Variants in KDM6B observed in about 807,000 individuals in gnomAD.
KDM6B encodes lysine-specific demethylase 6B.
In KDM6B, 22 loss-of-function variants were observed where a neutral mutation model predicts 150.4. The ratio of observed to expected loss-of-function variants is 0.15; its 90% CI spans 0.10 to 0.21. KDM6B has a LOEUF of 0.21. KDM6B is among the 10% of genes least tolerant of loss of function. The probability of loss-of-function intolerance (pLI) is 1.00; values close to 1 mark genes in which losing one functional copy is unlikely to be tolerated. For missense variants in KDM6B, 1,984 were observed against 2,234.3 expected, an observed-to-expected ratio of 0.89 and a Z score of 2.26; for synonymous variants, 1,148 against 921.1, an observed-to-expected ratio of 1.25 and a Z score of -4.46.
At chr17:7,838,616 CT>C (rs1274375775) in intron 1 of KDM6B, among the ~76,000 whole-genome samples, 2 of 137,506 alleles carry the variant, frequency 1.5e-5, no homozygotes, top group African/African-American at 5.6e-5. Context: ...CTCTGACCCC[CT>C]AGGCTTCCCC....
intron 2 of KDM6B, among the ~76,000 whole-genome samples, chr17:7,842,855 G>A (rs2078445639): frequency 6.6e-6 from 1 of 151,816 alleles, no homozygotes; most frequent in African/African-American, 2.4e-5. Context: ...CCCGAGGGAG[G>A]GCTTTGTACG....
Position 7,845,423 on chromosome 17 carries a change from A to C in KDM6B, c.-39A>C. ...AGAGCTGGGGCAGGGGGCCGTGCCC[A>C]ATCTCCAGGGCTCCTGGGGCCACTG... On this transcript the variant is annotated 5_prime_UTR_variant, in exon 4 of 24. Transcript: ENST00000448097. 8.6e-7 allele frequency: 1 copy of C among 1,168,252 alleles called. No homozygotes were observed. The highest frequency in any genetic ancestry group is 1.3e-6 in the Non-Finnish European group (1 of 777,414). 72.4% of individuals were successfully genotyped at this position (1,168,252 alleles called of 1,614,324 possible). A position where few individuals can be genotyped will look rare whatever the true frequency, so the allele number is the denominator to read the frequency against.
rs1437620514 is a variant in KDM6B, at chr17:7,854,503, AAC to A, written c.*986_*987del. On this transcript the variant is annotated 3_prime_UTR_variant, in exon 24 of 24. Transcript: ENST00000448097. ...TTCCCAGCCCCGGCCAACTTTAAAAAACACAGACCTTCACCCCCACCCCCTTT... is the reference window on the plus strand; with the variant it reads ...TTCCCAGCCCCGGCCAACTTTAAAAAACAGACCTTCACCCCCACCCCCTTT... 6.6e-6 allele frequency: 1 copy of A among 152,368 alleles called. No homozygotes were observed. Among genetic ancestry groups the A allele is most frequent in the African/African-American group, 2.4e-5 (1 of 41,462 alleles). 9.4% of individuals were successfully genotyped at this position (152,368 alleles called of 1,614,324 possible).
In KDM6B at chr17:7,836,219, T is replaced by C. The variant is rs1449487667; in HGVS notation, c.-388+1869T>C. On this transcript the variant is annotated intron_variant, in intron 1 of 23. Coordinates refer to ENST00000448097, the MANE Select transcript of KDM6B (RefSeq NM_001348716.2). ...CCATCACGCCCCTTCTTCGCGTGAA[T>C]TCCTGCTCTTTGATGTGCACCAAAA... is the stretch of plus-strand genomic sequence containing the variant. 2.0e-5 allele frequency among the ~76,000 whole-genome samples: 3 copies of C among 152,216 alleles called. No homozygotes were observed. In the South Asian group the frequency reaches 6.2e-4, roughly 32 times the overall value.
intron 14 of KDM6B, 62 bp from the exon 15 acceptor site, chr17:7,850,959 T>G: frequency 7.0e-7 from 1 of 1,427,154 alleles, no homozygotes; most frequent in Non-Finnish European, 9.7e-7. Context: ...AAAGGGTCGA[T>G]TGGGTCCTCG....
At chr17:7,842,188 T>C (rs1189881512) in intron 2 of KDM6B, among the ~76,000 whole-genome samples, 2 of 151,996 alleles carry the variant, frequency 1.3e-5, no homozygotes, top group East Asian at 2.0e-4. Flanking sequence ...GTGGGTGTGA[T>C]TGATGGAGTG....
Position 7,845,858 on chromosome 17 carries a change from CCTT to C in KDM6B, c.138-11_138-9del, listed in dbSNP as rs757869213. The C allele has an allele frequency of 4.3e-6, 7 of 1,610,968 alleles. No individual in the cohort carries two copies. Among genetic ancestry groups the C allele is most frequent in the Admixed American group, 1.7e-5 (1 of 60,006 alleles). On this transcript the variant is annotated splice_polypyrimidine_tract_variant and intron_variant, in intron 5 of 23. Coordinates refer to ENST00000448097, the MANE Select transcript of KDM6B (RefSeq NM_001348716.2). ...TCCTTTTTGCCGTATATAACAGACTCCTTCTCTCTCCAGATGCTCAGCCAGCAT... is the reference window on the plus strand; with the variant it reads ...TCCTTTTTGCCGTATATAACAGACTCCTCTCTCCAGATGCTCAGCCAGCAT...
chr17:7,848,979 A>ACCCCCCCCCCC lies in KDM6B; in HGVS notation c.2693_2694insCCCCCCCCCCC (p.Leu902ArgfsTer17). ...TCCCGGGCCCCATGACCCCCACCCAACCGCCCCCACCCCTATCTCTGCCCC... is the reference window on the plus strand; with the variant it reads ...TCCCGGGCCCCATGACCCCCACCCAACCCCCCCCCCCCCGCCCCCACCCCTATCTCTGCCCC... On this transcript the variant is annotated frameshift_variant, in exon 12 of 24. Transcript: ENST00000448097. LOFTEE classifies it high-confidence loss of function. The ACCCCCCCCCCC allele has an allele frequency of 1.3e-6, 2 of 1,518,730 alleles. No homozygotes were observed. The highest frequency in any genetic ancestry group is 1.2e-5 in the South Asian group (1 of 85,830). The allele number at this position is 1,518,730 out of a possible 1,614,324, so 94.1% of individuals were successfully genotyped here.
rs949837422 is a variant in KDM6B at position 7,843,909 on chromosome 17, G to C, written c.-268-992G>C. Among the ~76,000 whole-genome samples the C allele has an allele frequency of 6.6e-6, 1 of 151,974 alleles. No homozygotes were observed. The highest frequency in any genetic ancestry group is 2.4e-5 in the African/African-American group (1 of 41,344). ...GAGAGGGGAGCGCTGTGCCAGTCGG[G>C]GGTCCAGTCGGCACCAAAGCGAAAG... is the stretch of plus-strand genomic sequence containing the variant. On this transcript the variant is annotated intron_variant, in intron 2 of 23. Transcript: ENST00000448097. The surrounding 1 kb of genome is among the most constrained non-coding windows in gnomAD (Gnocchi z 4.5).
chr17:7,840,596 G>A (rs2078399209), intron 2 of KDM6B: 1 of 152,244 alleles, frequency 6.6e-6, no homozygotes, highest in Admixed American at 6.5e-5. Flanking sequence ...CCTTCTGTCA[G>A]TTCTCTGCCT....
rs2078760779 is a variant in KDM6B at position 7,854,057 on chromosome 17, TTTC to T, written c.*539_*541del. The T allele has an allele frequency of 6.6e-6, 1 of 152,522 alleles. No homozygotes were observed. The highest frequency in any genetic ancestry group is 2.4e-5 in the African/African-American group (1 of 41,430). 9.4% of individuals were successfully genotyped at this position (152,522 alleles called of 1,614,324 possible). On this transcript the variant is annotated 3_prime_UTR_variant, in exon 24 of 24. Coordinates refer to ENST00000448097, the MANE Select transcript of KDM6B (RefSeq NM_001348716.2). ...GGTTATGATTTGTATTTTTTGTTCT[TTTC>T]TTGTTTTTTTGTTTTTAATTTATAA...
Position 7,853,717 on chromosome 17 carries a change from GA to G in KDM6B, c.*204del, listed in dbSNP as rs1247426729. 2.3e-5 allele frequency: 8 copies of G among 348,096 alleles called. No homozygotes were observed. Among genetic ancestry groups the G allele is most frequent in the Non-Finnish European group, 2.5e-5 (5 of 201,024 alleles). 21.6% of individuals were successfully genotyped at this position (348,096 alleles called of 1,614,324 possible). A position where few individuals can be genotyped will look rare whatever the true frequency, so the allele number is the denominator to read the frequency against. Reference sequence around the variant, plus strand: ...TTTTTAGCAAATATGAGGAAAAAAGGAAAAAAAATGGGAGACGGGGGAGGGG... The same window carrying G: ...TTTTTAGCAAATATGAGGAAAAAAGGAAAAAAATGGGAGACGGGGGAGGGG... On this transcript the variant is annotated 3_prime_UTR_variant, in exon 24 of 24. Coordinates refer to ENST00000448097, the MANE Select transcript of KDM6B (RefSeq NM_001348716.2).
Position 7,844,090 on chromosome 17 carries a change from C to A in KDM6B, c.-268-811C>A, listed in dbSNP as rs1280614568. 4.0e-5 allele frequency: 6 copies of A among 149,900 alleles called. No individual in the cohort carries two copies. The highest frequency in any genetic ancestry group is 8.9e-5 in the Non-Finnish European group (6 of 67,290). The allele number at this position is 149,900 out of a possible 1,614,324, so 9.3% of individuals were successfully genotyped here. A position where few individuals can be genotyped will look rare whatever the true frequency, so the allele number is the denominator to read the frequency against. On this transcript the variant is annotated intron_variant, in intron 2 of 23. Transcript: ENST00000448097. This position sits in a 1 kb window ranked among gnomAD's most constrained non-coding sequence, Gnocchi z 5.9. ...CCCCGCAGTACATTTACACACACCG[C>A]TTCCGCTGCGCAAGTAGCCACGTCA...
In KDM6B at chr17:7,843,939, G is replaced by C. The variant is rs539622276; in HGVS notation, c.-268-962G>C. On this transcript the variant is annotated intron_variant, in intron 2 of 23. Coordinates refer to ENST00000448097, the MANE Select transcript of KDM6B (RefSeq NM_001348716.2). The surrounding 1 kb of genome is among the most constrained non-coding windows in gnomAD (Gnocchi z 4.5). ...CAGTCGGCACCAAAGCGAAAGGGTGGGGGGGGCGTGAAGGAGGAAGTGAAA... is the reference window on the plus strand; with the variant it reads ...CAGTCGGCACCAAAGCGAAAGGGTGCGGGGGGCGTGAAGGAGGAAGTGAAA... 7.2e-5 allele frequency among the ~76,000 whole-genome samples: 11 copies of C among 152,144 alleles called. No individual in the cohort carries two copies. In the East Asian group the frequency reaches 2.1e-3, roughly 29 times the overall value.
rs1349649168 is a variant in KDM6B at position 7,847,417 on chromosome 17, A to G, written c.1222A>G (p.Thr408Ala). The change falls in exon 11 of 24, where the codon ACT (threonine) becomes GCT (alanine). Residue 408 changes from threonine (T) to alanine (A), a missense_variant. By Grantham distance (58) the Thr-to-Ala change is moderately conservative. Around this residue, in one of 13 missense-constraint regions of KDM6B, gnomAD observed 1,379 missense variants for 1,275.6 expected, o/e 1.08. Coordinates refer to ENST00000448097, the MANE Select transcript of KDM6B (RefSeq NM_001348716.2). ...TSSSSSSSSNTGLRGVEPNPG... is the reference protein window; with the variant it reads ...TSSSSSSSSNAGLRGVEPNPG... ...CAGCAGCAGTAGCAGCAGCAGCAAC[A>G]CTGGTCTCCGGGGCGTGGAGCCGAA... The G allele has an allele frequency of 2.5e-6, 4 of 1,613,372 alleles. No individual in the cohort carries two copies. The highest frequency in any genetic ancestry group is 3.4e-6 in the Non-Finnish European group (4 of 1,179,956).
In KDM6B at chr17:7,848,532, T is replaced by TGTCGCC; in HGVS notation, c.2248_2253dup (p.Ala750_Val751dup). ...CAGCCCCCACCACTACTGCTCCTGC[T>TGTCGCC]GTCGCCGTCACCACCACCACCACCA... On this transcript the variant is annotated inframe_insertion, in exon 12 of 24. Coordinates refer to ENST00000448097, the MANE Select transcript of KDM6B (RefSeq NM_001348716.2). 1.9e-6 allele frequency: 3 copies of TGTCGCC among 1,593,832 alleles called. No homozygotes were observed. The highest frequency in any genetic ancestry group is 2.6e-6 in the Non-Finnish European group (3 of 1,174,008).
chr17:7,846,527 C>T lies in KDM6B; in HGVS notation c.549+35C>T, dbSNP rs555075469. The stretch of plus-strand genomic sequence containing the variant: ...GCACTGGGTGGGTTAGGGAGGAGAG[C>T]CAGGCTGTGCCTGCACCCGTGCCAT... On this transcript the variant is annotated intron_variant, in intron 8 of 23. Transcript: ENST00000448097. 5.0e-6 allele frequency: 8 copies of T among 1,614,006 alleles called. No individual in the cohort carries two copies. In the African/African-American group the frequency reaches 8.0e-5, roughly 16 times the overall value.
Position 7,851,045 on chromosome 17 carries a change from C to T in KDM6B, c.3698C>T (p.Thr1233Ile). 6.2e-7 allele frequency: 1 copy of T among 1,611,484 alleles called. No homozygotes were observed. Among genetic ancestry groups the T allele is most frequent in the Non-Finnish European group, 8.5e-7 (1 of 1,179,142 alleles). The change falls in exon 15 of 24, where the codon ACC becomes ATC. Residue 1233 changes from threonine to isoleucine, a missense_variant. Transcript: ENST00000448097. ...GACTTGGGCCTCTTCTCCACCAAGACCCTGGTGGAAGCGAGTGGCGAACAC... is the reference window on the plus strand; with the variant it reads ...GACTTGGGCCTCTTCTCCACCAAGATCCTGGTGGAAGCGAGTGGCGAACAC... ...RLNLGLFSTK[T>I]LVEASGEHTV...
chr17:7,841,828 C>T (rs1310694539), intron 2 of KDM6B, among the ~76,000 whole-genome samples: 1 of 152,066 alleles, frequency 6.6e-6, no homozygotes. Flanking sequence ...GGAAGGGAAT[C>T]CCGGGCGGGC....
Sources: gnomAD v4.1 joint callset for allele counts (sites outside exome capture counted in the v4.1 genomes callset) on GRCh38, gnomAD v4.1.1 for gene constraint, gnomAD v4.1.1 regional missense constraint, Gnocchi (gnomAD v3.1) non-coding constraint, MANE v1.5 for transcripts, NCBI Gene and HGNC (gene_info 2026-07-23, HGNC 2026-07-21) for gene names.